Variants in MAGI2 observed in about 807,000 individuals in gnomAD.
MAGI2 encodes the protein membrane-associated guanylate kinase, WW and PDZ domain-containing protein 2.
Under a neutral mutation model 133.3 loss-of-function variants are expected in MAGI2, and 35 were observed. The ratio of observed to expected loss-of-function variants is 0.26; its 90% confidence interval spans 0.20 to 0.35. The LOEUF (loss-of-function observed/expected upper bound fraction) is 0.35. Among genes scored for constraint, MAGI2 ranks in the 10% least tolerant of loss-of-function variants. The pLI is 1.00. For synonymous variants in MAGI2, 729 were observed against 710.6 expected (o/e 1.03, Z -0.41); for missense variants, 1,636 against 1,863.4 (o/e 0.88, Z 2.25).
At chr7:78,204,129 T>C (rs879878451) in intron 10 of MAGI2, among the ~76,000 whole-genome samples, 9 of 152,316 alleles carry the variant, frequency 5.9e-5, no homozygotes, top group South Asian at 2.1e-4. Context: ...GTTTTGCATA[T>C]GCATGTATTG....
chr7:78,887,407 G>C (rs28581269), intron 2 of MAGI2, among the ~76,000 whole-genome samples: 1 of 152,176 alleles, frequency 6.6e-6, no homozygotes, highest in African/African-American at 2.4e-5. Context: ...ATTTGAATCA[G>C]AAATTCTGGG....
intron 1 of MAGI2, among the ~76,000 whole-genome samples, chr7:79,205,919 A>T (rs1041201770): frequency 6.6e-6 from 1 of 151,822 alleles, no homozygotes; most frequent in Non-Finnish European, 1.5e-5. Flanking sequence ...CATATCAATT[A>T]AAAAAATCAC....
At chr7:79,228,807 T>G (rs1453941416) in intron 1 of MAGI2, among the ~76,000 whole-genome samples, 1 of 152,124 alleles carries the variant, frequency 6.6e-6, no homozygotes, top group African/African-American at 2.4e-5. Flanking sequence ...CCTTTTCAGG[T>G]CATTCTAGAT....
At chr7:78,492,958 A>G (rs892309731) in intron 5 of MAGI2, among the ~76,000 whole-genome samples, 7 of 152,186 alleles carry the variant, frequency 4.6e-5, no homozygotes, top group Non-Finnish European at 8.8e-5. Flanking sequence ...AGCTAATGTG[A>G]TGATCATGAA....
intron 1 of MAGI2, among the ~76,000 whole-genome samples, chr7:79,284,818 G>A (rs1339172974): frequency 1.3e-5 from 2 of 152,048 alleles, no homozygotes; most frequent in Non-Finnish European, 2.9e-5. Flanking sequence ...TAAAAGTACA[G>A]TAAGTGTTCT....
intron 1 of MAGI2, among the ~76,000 whole-genome samples, chr7:79,127,306 T>C (rs914619556): frequency 2.0e-5 from 3 of 152,190 alleles, no homozygotes; most frequent in Non-Finnish European, 4.4e-5. Context: ...ATCTTTTGGA[T>C]ATATACCCAG....
intron 3 of MAGI2, among the ~76,000 whole-genome samples, chr7:78,553,068 AGTT>A (rs2150710336): frequency 6.7e-6 from 1 of 150,350 alleles, no homozygotes; most frequent in South Asian, 2.1e-4. Flanking sequence ...AAAATTCAGA[AGTT>A]GCCTGTAAAA....
intron 19 of MAGI2, among the ~76,000 whole-genome samples, chr7:78,126,410 G>T (rs1422685342): frequency 6.6e-6 from 1 of 152,134 alleles, no homozygotes; most frequent in African/African-American, 2.4e-5. Context: ...GCATAAAGTT[G>T]ATCTTCAATT....
intron 2 of MAGI2, among the ~76,000 whole-genome samples, chr7:78,856,695 A>G (rs1793669451): frequency 1.3e-5 from 2 of 152,214 alleles, no homozygotes; most frequent in Admixed American, 6.5e-5. Flanking sequence ...TGATGCCTCC[A>G]GCTTTTTTCT....
intron 14 of MAGI2, among the ~76,000 whole-genome samples, 191 bp downstream of exon 14, chr7:78,177,820 G>T (rs1826803710): frequency 6.6e-6 from 1 of 152,074 alleles, no homozygotes; most frequent in Non-Finnish European, 1.5e-5. Flanking sequence ...AGAGATATTT[G>T]TCGTGGAGAT....
intron 6 of MAGI2, chr7:78,486,562 T>G (rs1793029991): frequency 3.8e-6 from 1 of 261,834 alleles, no homozygotes; most frequent in East Asian, 9.7e-5. Context: ...ATGTTGTGTC[T>G]GAGACTCTGG....
intron 2 of MAGI2, among the ~76,000 whole-genome samples, chr7:78,732,832 T>A (rs1251267399): frequency 6.6e-6 from 1 of 152,094 alleles, no homozygotes; most frequent in Non-Finnish European, 1.5e-5. Flanking sequence ...TTTTTTAGGG[T>A]GTAAAGTAAC....
chr7:78,324,356 A>G (rs1329996110), intron 9 of MAGI2, among the ~76,000 whole-genome samples: 1 of 152,184 alleles, frequency 6.6e-6, no homozygotes, highest in East Asian at 1.9e-4. Context: ...TGAGACTCGT[A>G]TTAAACCTCC....
chr7:78,070,124 CACAT>C (rs1400087922), intron 21 of MAGI2, among the ~76,000 whole-genome samples: 2 of 108,594 alleles, frequency 1.8e-5, no homozygotes. Flanking sequence ...CACACACACA[CACAT>C]ATATGTGTGT....
At chr7:78,213,475 TA>T (rs1787966799) in intron 10 of MAGI2, among the ~76,000 whole-genome samples, 1 of 152,212 alleles carries the variant, frequency 6.6e-6, no homozygotes, top group Non-Finnish European at 1.5e-5. Context: ...CAAGAGGTCA[TA>T]GTCAAAGCTC....
chr7:79,087,889 G>T (rs537829374), intron 1 of MAGI2, among the ~76,000 whole-genome samples: 7 of 152,102 alleles, frequency 4.6e-5, no homozygotes, highest in East Asian at 3.9e-4. Context: ...TGCTGTTTTG[G>T]TTACTGTACA....
chr7:78,313,504 A>G (rs1024976614), intron 9 of MAGI2, among the ~76,000 whole-genome samples: 1 of 152,146 alleles, frequency 6.6e-6, no homozygotes, highest in African/African-American at 2.4e-5. Context: ...TAAAGAATAG[A>G]AACAATGATA....
At chr7:78,493,454 C>T (rs1439271978) in intron 5 of MAGI2, among the ~76,000 whole-genome samples, 3 of 152,078 alleles carry the variant, frequency 2.0e-5, no homozygotes, top group African/African-American at 7.2e-5. Context: ...CAGATATGTC[C>T]CCTCATTTAA....
chr7:78,733,750 A>G (rs1490391422), intron 2 of MAGI2, among the ~76,000 whole-genome samples: 3 of 152,206 alleles, frequency 2.0e-5, no homozygotes, highest in African/African-American at 7.2e-5. Context: ...AGCCATCAGT[A>G]AGACATTCAT....
Sources: gnomAD v4.1 joint callset for allele counts (sites outside exome capture counted in the v4.1 genomes callset) on GRCh38, gnomAD v4.1.1 for gene constraint, MANE v1.5 for transcripts, NCBI Gene and HGNC (gene_info 2026-07-23, HGNC 2026-07-21) for gene names.